CHRNB3: variants seen among roughly 807,000 people sequenced by gnomAD.
The protein encoded by CHRNB3 is neuronal acetylcholine receptor subunit beta-3.
In CHRNB3, 37 loss-of-function variants were observed where a neutral mutation model predicts 40.6. The ratio of observed to expected loss-of-function variants is 0.91; its 90% CI spans 0.70 to 1.20. The LOEUF (loss-of-function observed/expected upper bound fraction) is 1.20, where lower values mean the gene tolerates loss of function less well. Ranked by LOEUF, CHRNB3 falls within the 50% of genes most tolerant of loss-of-function variation. CHRNB3 has a pLI of 0.00. For synonymous variants in CHRNB3, 207 were observed against 207.1 expected (o/e 1.00, Z 0.00); for missense variants, 505 against 551.2 (o/e 0.92, Z 0.84).
chr8:42,733,530 G>T (rs765834046), intron 5 of CHRNB3, among the ~76,000 whole-genome samples: 2 of 150,576 alleles, frequency 1.3e-5, no homozygotes, highest in Non-Finnish European at 2.9e-5. Context: ...GCTCAGCTCC[G>T]TTGTATAAGC....
chr8:42,711,637 C>T (rs184652414), intron 3 of CHRNB3, among the ~76,000 whole-genome samples: 7 of 151,972 alleles, frequency 4.6e-5, no homozygotes, highest in African/African-American at 1.4e-4. Context: ...TCAAGTGATC[C>T]GCCCACCCCA....
intron 5 of CHRNB3, among the ~76,000 whole-genome samples, chr8:42,733,794 C>A (rs982053195): frequency 1.1e-4 from 17 of 150,996 alleles, no homozygotes; most frequent in Middle Eastern, 3.2e-3. Flanking sequence ...TGGGGTTTTG[C>A]CATGTTGGCC....
At chr8:42,710,080 C>T (rs1815987580) in intron 2 of CHRNB3, among the ~76,000 whole-genome samples, 1 of 152,146 alleles carries the variant, frequency 6.6e-6, no homozygotes, top group South Asian at 2.1e-4. Context: ...GTTTACATGC[C>T]ATTTGACTAT....
intron 1 of CHRNB3, among the ~76,000 whole-genome samples, chr8:42,705,304 G>T (rs888530848): frequency 6.6e-6 from 1 of 152,262 alleles, no homozygotes; most frequent in Non-Finnish European, 1.5e-5. Context: ...TGCCTGTTGG[G>T]CAGGGAACTG....
chr8:42,718,426 C>A lies in CHRNB3; in HGVS notation c.249+7992C>A, dbSNP rs571902054. Among the ~76,000 whole-genome samples the A allele has an allele frequency of 8.7e-4, 132 of 152,040 alleles. 1 individual carries two copies. Among genetic ancestry groups the A allele is most frequent in the African/African-American group, 2.8e-3 (114 of 41,382 alleles). ...TGGTGGCTCACACCTGTAATCCCAGCACTTTGGGAGGCTGAGGCAGGCAGA... is the reference window on the plus strand; with the variant it reads ...TGGTGGCTCACACCTGTAATCCCAGAACTTTGGGAGGCTGAGGCAGGCAGA... On this transcript the variant is annotated intron_variant, in intron 3 of 5. Coordinates refer to ENST00000289957, the MANE Select transcript of CHRNB3 (RefSeq NM_000749.5).
intron 3 of CHRNB3, among the ~76,000 whole-genome samples, chr8:42,723,202 G>A (rs573318028): frequency 1.1e-4 from 17 of 151,666 alleles, no homozygotes; most frequent in African/African-American, 3.2e-4. Flanking sequence ...ATAAGATATC[G>A]TATTACTTAG....
At chr8:42,730,836 C>T (rs907731069) in intron 4 of CHRNB3, 133 bp downstream of exon 4, 1 of 424,796 alleles carries the variant, frequency 2.4e-6, no homozygotes, top group Non-Finnish European at 4.1e-6. Flanking sequence ...ATCATGAGGT[C>T]AGGAGATCGA....
chr8:42,733,147 T>C (rs1352651336), intron 5 of CHRNB3, among the ~76,000 whole-genome samples: 1 of 151,732 alleles, frequency 6.6e-6, no homozygotes, highest in African/African-American at 2.4e-5. Context: ...CTGGACAACA[T>C]AGTGAGACCC....
chr8:42,725,973 G>C, intron 3 of CHRNB3: 1 of 1,124,788 alleles, frequency 8.9e-7, no homozygotes, highest in Non-Finnish European at 1.3e-6. Context: ...CAAAGGCCAA[G>C]GAATGTTTAT....
intron 3 of CHRNB3, among the ~76,000 whole-genome samples, chr8:42,711,801 A>C (rs1483567322): frequency 6.6e-6 from 1 of 152,134 alleles, no homozygotes; most frequent in Non-Finnish European, 1.5e-5. Context: ...AATAGTGAAC[A>C]TCATACCCAA....
intron 1 of CHRNB3, among the ~76,000 whole-genome samples, chr8:42,703,134 T>G (rs115536946): frequency 0.011 from 1,707 of 151,978 alleles, 39 homozygotes; most frequent in African/African-American, 0.039. Context: ...TGTAAGAGAT[T>G]CATCCATGTC....
intron 1 of CHRNB3, chr8:42,704,223 C>T (rs1342704895): frequency 6.6e-6 from 1 of 152,244 alleles, no homozygotes; most frequent in Non-Finnish European, 1.5e-5. Flanking sequence ...CTCTGCGCCT[C>T]CTCCTTATAG....
chr8:42,707,057 C>T (rs1400074481), intron 1 of CHRNB3, among the ~76,000 whole-genome samples: 1 of 152,186 alleles, frequency 6.6e-6, no homozygotes, highest in South Asian at 2.1e-4. Flanking sequence ...CCATGCCTGG[C>T]CCACAGTTTT....
intron 5 of CHRNB3, among the ~76,000 whole-genome samples, chr8:42,735,951 T>C (rs73633750): frequency 0.042 from 6,439 of 152,206 alleles, 475 homozygotes; most frequent in African/African-American, 0.15. Context: ...AGATATGCTC[T>C]GTCTCCTGGG....
intron 3 of CHRNB3, among the ~76,000 whole-genome samples, chr8:42,712,418 CTTCAT>C: frequency 6.6e-6 from 1 of 152,322 alleles, no homozygotes; most frequent in East Asian, 1.9e-4. Flanking sequence ...CTTCCCCCAG[CTTCAT>C]TTCATGTCAT....
intron 4 of CHRNB3, 137 bp from the exon 5 acceptor site, chr8:42,731,530 G>A (rs769687843): frequency 2.1e-6 from 2 of 975,550 alleles, no homozygotes; most frequent in East Asian, 2.7e-5. Flanking sequence ...ACTCCAGCCC[G>A]GGCGATAGAG....
chr8:42,708,310 C>T (rs912665723), intron 1 of CHRNB3, among the ~76,000 whole-genome samples: 1 of 152,016 alleles, frequency 6.6e-6, no homozygotes, highest in African/African-American at 2.4e-5. Flanking sequence ...ACTAAAAATA[C>T]AAAAAATTAG....
At chr8:42,723,128 A>G (rs1038804753) in intron 3 of CHRNB3, among the ~76,000 whole-genome samples, 1 of 150,882 alleles carries the variant, frequency 6.6e-6, no homozygotes, top group East Asian at 1.9e-4. Flanking sequence ...TATTACTTAG[A>G]TATTTACTAA....
At chr8:42,714,006 C>T (rs757454580) in intron 3 of CHRNB3, among the ~76,000 whole-genome samples, 7 of 152,100 alleles carry the variant, frequency 4.6e-5, no homozygotes, top group African/African-American at 1.7e-4. Context: ...ATAGTCATTG[C>T]GACGTCCATT....
Sources: gnomAD v4.1 joint callset for allele counts (sites outside exome capture counted in the v4.1 genomes callset) on GRCh38, gnomAD v4.1.1 for gene constraint, MANE v1.5 for transcripts, NCBI Gene and HGNC (gene_info 2026-07-23, HGNC 2026-07-21) for gene names.